SVIL: variants seen among roughly 807,000 people sequenced by gnomAD.
SVIL encodes the protein supervillin, also known as archvillin.
SVIL carries 101 observed loss-of-function variants against 240.4 expected under a neutral mutation model. The observed-to-expected ratio is 0.42, with a 90% CI of 0.36 to 0.50. The LOEUF (loss-of-function observed/expected upper bound fraction) is 0.50, where lower values mean the gene tolerates loss of function less well. Ranked by LOEUF, SVIL falls within the 20% of genes least tolerant of loss-of-function variation. SVIL has a pLI of 0.01. For synonymous variants in SVIL, 999 were observed against 1,100.0 expected (o/e 0.91, Z 1.82); for missense variants, 2,512 against 2,818.7 (o/e 0.89, Z 2.46).
chr10:29,530,322 C>T (rs1423361072), intron 11 of SVIL, among the ~76,000 whole-genome samples: 2 of 152,154 alleles, frequency 1.3e-5, no homozygotes, highest in Non-Finnish European at 2.9e-5. Context: ...ATGCTGTGTC[C>T]ATGAGGTGGC....
chr10:29,699,336 G>A (rs376047741), intron 1 of SVIL, among the ~76,000 whole-genome samples: 3 of 141,510 alleles, frequency 2.1e-5, no homozygotes, highest in Admixed American at 1.5e-4. Flanking sequence ...ATGGAGTCTC[G>A]CTCTGTCACC....
At chr10:29,491,661 A>C (rs533868946) in intron 21 of SVIL, among the ~76,000 whole-genome samples, 92 of 152,292 alleles carry the variant, frequency 6.0e-4, no homozygotes, top group East Asian at 1.5e-3. Context: ...AGACTAGGGA[A>C]GGTGAGCAGA....
rs183909459 is a variant in SVIL at position 29,663,520 on chromosome 10, C to T, written c.-300-5452G>A. Among the ~76,000 whole-genome samples, 371 of 152,308 alleles carry T rather than the reference C, an allele frequency of 2.4e-3. 1 individual carries two copies. The highest frequency in any genetic ancestry group is 8.5e-3 in the African/African-American group (352 of 41,568). ...TACAGGTGTGCACCACAATGCCCAG[C>T]TAATTTTTGTATTTTAGTAGAGACG... On this transcript the variant is annotated intron_variant, in intron 2 of 35. Transcript: ENST00000375400.
intron 1 of SVIL, among the ~76,000 whole-genome samples, chr10:29,619,006 T>C (rs1266763708): frequency 6.6e-6 from 1 of 152,228 alleles, no homozygotes; most frequent in Non-Finnish European, 1.5e-5. Flanking sequence ...CAGGTAGCTT[T>C]GTCTAAAGTA....
chr10:29,694,765 T>G (rs966767902), intron 1 of SVIL, among the ~76,000 whole-genome samples: 1 of 152,282 alleles, frequency 6.6e-6, no homozygotes, highest in African/African-American at 2.4e-5. Flanking sequence ...CAATTTAACG[T>G]TCTCTTAATA....
intron 7 of SVIL, 24 bp downstream of exon 7, chr10:29,535,965 C>T (rs1951715354): frequency 1.2e-6 from 2 of 1,613,510 alleles, no homozygotes; most frequent in South Asian, 1.1e-5. Flanking sequence ...GCACACAAGC[C>T]CCAGAGGGCC....
intron 3 of SVIL, among the ~76,000 whole-genome samples, chr10:29,645,136 A>T (rs1420400897): frequency 6.6e-6 from 1 of 152,204 alleles, no homozygotes; most frequent in East Asian, 1.9e-4. Context: ...GCTTGGTTTT[A>T]GTCTGGGGAC....
At chr10:29,482,505 C>CTCTACTATTTTATGTCATGTG (rs1400456912) in intron 27 of SVIL, among the ~76,000 whole-genome samples, 1 of 152,232 alleles carries the variant, frequency 6.6e-6, no homozygotes, top group Non-Finnish European at 1.5e-5. Flanking sequence ...CTCCTCAATT[C>CTCTACTATTTTATGTCATGTG]TCTACTATTT....
intron 7 of SVIL, among the ~76,000 whole-genome samples, chr10:29,535,490 T>C (rs1951679626): frequency 6.6e-6 from 1 of 152,172 alleles, no homozygotes; most frequent in Non-Finnish European, 1.5e-5. Context: ...AATGAAATGA[T>C]AGGGGGTTTT....
At chr10:29,706,852 C>T (rs1962923956) in intron 1 of SVIL, among the ~76,000 whole-genome samples, 2 of 152,196 alleles carry the variant, frequency 1.3e-5, no homozygotes, top group African/African-American at 4.8e-5. Context: ...CTGTTTTCTG[C>T]ATATGGCTAG....
In SVIL at chr10:29,532,564, G is replaced by A. The variant is rs1184926173; in HGVS notation, c.1803C>T (p.Phe601=). The part of the protein sequence containing the change: ...KVSVAQLRSA[F]LASANACRRP... ...TCCTGCAGGCGTTGGCAGATGCCAG[G>A]AACGCACTTCGGAGCTGGGCGACAG... The change falls in exon 8 of 38, where the codon TTC becomes TTT. Residue 601 remains phenylalanine (F), a synonymous_variant. Transcript: ENST00000355867. The A allele has an allele frequency of 6.2e-7, 1 of 1,612,458 alleles. No homozygotes were observed. The highest frequency in any genetic ancestry group is 8.5e-7 in the Non-Finnish European group (1 of 1,178,588).
At chr10:29,631,782 T>TA (rs1958105293) in intron 1 of SVIL, among the ~76,000 whole-genome samples, 1 of 151,254 alleles carries the variant, frequency 6.6e-6, no homozygotes, top group African/African-American at 2.4e-5. Flanking sequence ...CTCAAAAAAA[T>TA]AAAAAATAAA....
chr10:29,460,946 C>T (rs1039914045), intron 36 of SVIL, among the ~76,000 whole-genome samples: 1 of 152,074 alleles, frequency 6.6e-6, no homozygotes, highest in African/African-American at 2.4e-5. Context: ...GACCCCTTAC[C>T]CACCATGATG....
Position 29,457,950 on chromosome 10 carries a change from T to A in SVIL, c.*297A>T. The A allele has an allele frequency of 1.9e-5, 4 of 206,616 alleles. No individual in the cohort carries two copies. Among genetic ancestry groups the A allele is most frequent in the Non-Finnish European group, 2.8e-5 (3 of 105,478 alleles). The allele number at this position is 206,616 out of a possible 1,614,324, so 12.8% of individuals were successfully genotyped here. A position where few individuals can be genotyped will look rare whatever the true frequency, so the allele number is the denominator to read the frequency against. On this transcript the variant is annotated 3_prime_UTR_variant, in exon 38 of 38. Coordinates refer to ENST00000355867, the MANE Select transcript of SVIL (RefSeq NM_021738.3). ...AAAAAAAAAAAAAAAAGGCATTGCCTAGCTGGAACAAGAAGGCAGTGCTAT... is the reference window on the plus strand; with the variant it reads ...AAAAAAAAAAAAAAAAGGCATTGCCAAGCTGGAACAAGAAGGCAGTGCTAT...
At chr10:29,549,496 A>G (rs1375835504) in intron 6 of SVIL, among the ~76,000 whole-genome samples, 1 of 130,942 alleles carries the variant, frequency 7.6e-6, no homozygotes, top group Non-Finnish European at 1.7e-5. Flanking sequence ...TAGAAATACC[A>G]TTTGACCCAG....
intron 1 of SVIL, among the ~76,000 whole-genome samples, chr10:29,734,007 A>T (rs1183009082): frequency 6.6e-6 from 1 of 152,240 alleles, no homozygotes; most frequent in Non-Finnish European, 1.5e-5. Context: ...TTAAACGCAC[A>T]TTCAGCACAG....
At chr10:29,624,126 A>G (rs1281407520) in intron 1 of SVIL, among the ~76,000 whole-genome samples, 1 of 151,472 alleles carries the variant, frequency 6.6e-6, no homozygotes, top group African/African-American at 2.4e-5. Flanking sequence ...TAAGAAGAGT[A>G]ATGAAAACAA....
At chr10:29,648,991 A>G (rs1958754585) in intron 3 of SVIL, among the ~76,000 whole-genome samples, 1 of 152,012 alleles carries the variant, frequency 6.6e-6, no homozygotes, top group African/African-American at 2.4e-5. Context: ...AAAAACAAAA[A>G]ACAAAAAACA....
intron 3 of SVIL, among the ~76,000 whole-genome samples, chr10:29,557,691 T>A (rs1421336948): frequency 6.6e-6 from 1 of 152,174 alleles, no homozygotes; most frequent in Non-Finnish European, 1.5e-5. Flanking sequence ...GAAAGAAAGA[T>A]CTAGTTGGGA....
Sources: allele counts gnomAD v4.1 joint callset (sites outside exome capture counted in the v4.1 genomes callset), GRCh38; gene constraint gnomAD v4.1.1; transcripts MANE v1.5; gene names NCBI Gene and HGNC (gene_info 2026-07-23, HGNC 2026-07-21).